Variants in SLC22A11 observed in about 807,000 individuals in gnomAD.
SLC22A11 encodes the protein organic anion transporter 4.
In SLC22A11, 42 loss-of-function variants were observed where a neutral mutation model predicts 49.4. The ratio of observed to expected loss-of-function variants is 0.85; its 90% CI spans 0.66 to 1.10. The LOEUF is 1.10. Among genes scored for constraint, SLC22A11 ranks in the 50% least tolerant of loss-of-function variants. The probability of loss-of-function intolerance (pLI) is 0.00; values close to 1 mark genes in which losing one functional copy is unlikely to be tolerated. For synonymous variants in SLC22A11, 304 were observed against 315.8 expected, an observed-to-expected ratio of 0.96 and a Z score of 0.40; for missense variants, 685 against 731.6, an observed-to-expected ratio of 0.94 and a Z score of 0.74.
At position 64,564,298 on chromosome 11, in the gene SLC22A11, C is replaced by T. The variant is rs199990529; in HGVS notation, c.822-10C>T. 2.6e-5 allele frequency: 42 copies of T among 1,613,866 alleles called. No homozygotes were observed. Among genetic ancestry groups the T allele is most frequent in the Non-Finnish European group, 3.5e-5 (41 of 1,179,962 alleles). ...CGTGCACTCCCAGCTACACACCTGC[C>T]TCCTTACAGGTGGCTGCCAGAATCC... On this transcript the variant is annotated splice_polypyrimidine_tract_variant and intron_variant, in intron 4 of 9. Transcript: ENST00000301891. This position sits in a 1 kb window ranked among gnomAD's most constrained non-coding sequence, Gnocchi z 4.2.
intron 6 of SLC22A11, among the ~76,000 whole-genome samples, 199 bp from the exon 7 acceptor site, chr11:64,567,400 G>T (rs2038639970): frequency 6.6e-6 from 1 of 152,230 alleles, no homozygotes; most frequent in South Asian, 2.1e-4. Context: ...CACCCTGCCT[G>T]CCCTTTCCTG....
rs2038507310 is a variant in SLC22A11, at chr11:64,559,206, G to A, written c.465G>A (p.Val155=). ...CCATCTTCATGTCCGGGATCCTGGT[G>A]GGCTCCTTTATCTGGGGCCTCCTCT... ...SQSIFMSGIL[V]GSFIWGLLSY... is the part of the protein sequence containing the mutation. The change falls in exon 2 of 10, where the codon GTG becomes GTA. Residue 155 remains valine, a synonymous_variant. Coordinates refer to ENST00000301891, the MANE Select transcript of SLC22A11 (RefSeq NM_018484.4). 1 of 1,610,986 alleles carries A rather than the reference G, an allele frequency of 6.2e-7. No homozygotes were observed. The highest frequency in any genetic ancestry group is 1.1e-5 in the South Asian group (1 of 90,910).
intron 1 of SLC22A11, among the ~76,000 whole-genome samples, chr11:64,557,501 A>G (rs2038478719): frequency 6.6e-6 from 1 of 152,170 alleles, no homozygotes; most frequent in Non-Finnish European, 1.5e-5. Flanking sequence ...CCACAGAGCA[A>G]AGGTCATGCA....
At chr11:64,563,610 T>TA (rs869085115) in intron 4 of SLC22A11, among the ~76,000 whole-genome samples, 1,272 of 43,834 alleles carry the variant, frequency 0.029, 118 homozygotes, top group African/African-American at 0.07. Flanking sequence ...TTAAATGTGC[T>TA]AAAAAAAAAA....
intron 1 of SLC22A11, among the ~76,000 whole-genome samples, chr11:64,557,629 T>C (rs1255755592): frequency 1.2e-4 from 10 of 80,900 alleles, no homozygotes; most frequent in South Asian, 4.5e-4. Flanking sequence ...TTCTTTCTCT[T>C]TTTTTTTTTT....
chr11:64,569,556 C>A, intron 8 of SLC22A11, 96 bp from the exon 9 acceptor site: 1 of 1,335,578 alleles, frequency 7.5e-7, no homozygotes, highest in Non-Finnish European at 1.0e-6. Flanking sequence ...ATTCCCTCAG[C>A]CCAGCTTTCC....
intron 1 of SLC22A11, among the ~76,000 whole-genome samples, chr11:64,557,483 C>G (rs1319381249): frequency 3.9e-5 from 6 of 152,170 alleles, no homozygotes; most frequent in Admixed American, 3.9e-4. Flanking sequence ...CTGTGAAGGT[C>G]AGGAGCCCCA....
intron 4 of SLC22A11, among the ~76,000 whole-genome samples, chr11:64,563,611 A>T (rs1415918453): frequency 1.4e-4 from 7 of 48,874 alleles, no homozygotes; most frequent in Admixed American, 1.3e-3. Flanking sequence ...TAAATGTGCT[A>T]AAAAAAAAAA....
chr11:64,556,776 C>T (rs1351896690), intron 1 of SLC22A11, among the ~76,000 whole-genome samples: 1 of 152,088 alleles, frequency 6.6e-6, no homozygotes, highest in East Asian at 1.9e-4. Context: ...GCCAGGGTGA[C>T]ACACGTCACC....
At chr11:64,557,705 G>T (rs1056853015) in intron 1 of SLC22A11, among the ~76,000 whole-genome samples, 15 of 140,026 alleles carry the variant, frequency 1.1e-4, no homozygotes, top group African/African-American at 4.1e-4. Context: ...AAACATGACT[G>T]CCTGCAGCCT....
rs2038603952 is a variant in SLC22A11, at chr11:64,565,058, T to G, written c.943-164T>G. 6.6e-6 allele frequency among the ~76,000 whole-genome samples: 1 copy of G among 152,008 alleles called. No individual in the cohort carries two copies. Among genetic ancestry groups the G allele is most frequent in the African/African-American group, 2.4e-5 (1 of 41,394 alleles). On this transcript the variant is annotated intron_variant, in intron 5 of 9. Coordinates refer to ENST00000301891, the MANE Select transcript of SLC22A11 (RefSeq NM_018484.4). The surrounding 1 kb of genome is among the most constrained non-coding windows in gnomAD (Gnocchi z 4.1). ...AAGAGCCAGGGCCTGGAGAGAACCT[T>G]TTCTGCCCCATCCCCTCCCCTTCCC...
chr11:64,557,627 CTTTTTTT>C (rs766276214), intron 1 of SLC22A11, among the ~76,000 whole-genome samples: 6 of 104,058 alleles, frequency 5.8e-5, no homozygotes, highest in African/African-American at 1.3e-4. Context: ...TTTTCTTTCT[CTTTTTTT>C]TTTTTTTTTT....
At chr11:64,568,199 C>G (rs2038654481) in intron 7 of SLC22A11, among the ~76,000 whole-genome samples, 1 of 152,232 alleles carries the variant, frequency 6.6e-6, no homozygotes, top group African/African-American at 2.4e-5. Context: ...GCAGTTCAGG[C>G]ACCTCCACGG....
At chr11:64,570,688 C>T (rs1213214959) in intron 9 of SLC22A11, among the ~76,000 whole-genome samples, 1 of 152,202 alleles carries the variant, frequency 6.6e-6, no homozygotes, top group Middle Eastern at 3.2e-3. Flanking sequence ...GGTGCTATTA[C>T]AGTCCAATTC....
intron 1 of SLC22A11, 91 bp from the exon 2 acceptor site, chr11:64,559,044 G>A (rs969988231): frequency 1.8e-6 from 2 of 1,091,434 alleles, no homozygotes; most frequent in Non-Finnish European, 2.8e-6. Flanking sequence ...GGGAGTCCAG[G>A]GACCCCAGTG....
At chr11:64,569,337 T>A (rs1030934967) in intron 8 of SLC22A11, among the ~76,000 whole-genome samples, 1 of 152,222 alleles carries the variant, frequency 6.6e-6, no homozygotes, top group Non-Finnish European at 1.5e-5. Flanking sequence ...ATTTGTTGTT[T>A]GGACAAGCAT....
At position 64,559,387 on chromosome 11, in the gene SLC22A11, C is replaced by T. The variant is rs115257552; in HGVS notation, c.497+149C>T. 6.9e-3 allele frequency: 4,362 copies of T among 633,308 alleles called. 156 individuals carry two copies. In the African/African-American group the frequency reaches 0.072, roughly 11 times the overall value. The allele number at this position is 633,308 out of a possible 1,614,324, so 39.2% of individuals were successfully genotyped here. ...CTGTTTCTTCCCTCCCCTGGCCATCCGAACCAACCCACAGGCTGTTCCGGG... is the reference window on the plus strand; with the variant it reads ...CTGTTTCTTCCCTCCCCTGGCCATCTGAACCAACCCACAGGCTGTTCCGGG... On this transcript the variant is annotated intron_variant, in intron 2 of 9. Transcript: ENST00000301891.
chr11:64,569,652 G>A lies in SLC22A11; in HGVS notation c.1383G>A (p.Arg461=), dbSNP rs1161742908. ...TCTGGGCCCTCCCCTTCACCCACAG[G>A]ATGACAGCAGATGGCATTCTGCATA... The part of the protein sequence containing the change: ...YKAELFPTPV[R]MTADGILHTV... Residue 461 remains arginine, a splice_region_variant and synonymous_variant, in exon 9 of 10, where the codon CGG becomes CGA. Transcript: ENST00000301891. 1.2e-6 allele frequency: 2 copies of A among 1,613,254 alleles called. No homozygotes were observed. Among genetic ancestry groups the A allele is most frequent in the East Asian group, 2.2e-5 (1 of 44,874 alleles).
At position 64,565,464 on chromosome 11, in the gene SLC22A11, C is replaced by T. The variant is rs564888891; in HGVS notation, c.1058+127C>T. ...AGGCCTCAAGGGGGTGCATTTCTGT[C>T]TGGGACAGGACGCAGACAGCCCCAG... On this transcript the variant is annotated intron_variant, in intron 6 of 9. Transcript: ENST00000301891. This position sits in a 1 kb window ranked among gnomAD's most constrained non-coding sequence, Gnocchi z 4.1. 4.6e-5 allele frequency: 36 copies of T among 778,836 alleles called. No homozygotes were observed. In the African/African-American group the frequency reaches 4.9e-4, roughly 11 times the overall value. 48.2% of individuals were successfully genotyped at this position (778,836 alleles called of 1,614,324 possible). A position where few individuals can be genotyped will look rare whatever the true frequency, so the allele number is the denominator to read the frequency against.
Sources: allele counts gnomAD v4.1 joint callset (sites outside exome capture counted in the v4.1 genomes callset), GRCh38; gene constraint gnomAD v4.1.1; non-coding constraint Gnocchi (gnomAD v3.1); transcripts MANE v1.5; gene names NCBI Gene and HGNC (gene_info 2026-07-23, HGNC 2026-07-21).